Variants in OAT observed in about 807,000 individuals in gnomAD.
The protein encoded by OAT is ornithine aminotransferase, also known as ornithine aminotransferase, mitochondrial.
Under a neutral mutation model 48.4 loss-of-function variants are expected in OAT, and 35 were observed. That is an observed-to-expected ratio of 0.72 (90% CI 0.55 to 0.96). The LOEUF is 0.96. OAT is among the 40% of genes least tolerant of loss of function. The pLI is 0.00. For missense variants in OAT, 438 were observed against 537.9 expected (o/e 0.81, Z 1.84); for synonymous variants, 182 against 198.4 (o/e 0.92, Z 0.70).
intron 5 of OAT, 146 bp downstream of exon 5, chr10:124,405,290 C>G: frequency 1.7e-6 from 2 of 1,170,652 alleles, no homozygotes; most frequent in Non-Finnish European, 2.4e-6. Context: ...ACTAATTGAT[C>G]GCTACTGAGA....
intron 4 of OAT, chr10:124,407,270 C>G (rs1359351244): frequency 1.0e-6 from 1 of 985,408 alleles, no homozygotes; most frequent in Non-Finnish European, 1.2e-6. Flanking sequence ...ACCTCATCCT[C>G]AGTCACTTAC....
rs184276088 is a variant in OAT at position 124,403,614 on chromosome 10, G to T, written c.771+184C>A. ...CAGGAAAAAGTCTGCTTCTGTGCAG[G>T]TTTCTAAGCACTAGGAAGTACTTAA... On this transcript the variant is annotated intron_variant, in intron 6 of 9. Coordinates refer to ENST00000368845, the MANE Select transcript of OAT (RefSeq NM_000274.4). Among the ~76,000 whole-genome samples the T allele has an allele frequency of 3.3e-5, 5 of 152,312 alleles. No individual in the cohort carries two copies. In the East Asian group the frequency reaches 9.6e-4, roughly 29 times the overall value.
At chr10:124,399,727 A>G (rs1201634725) in intron 9 of OAT, among the ~76,000 whole-genome samples, 2 of 152,186 alleles carry the variant, frequency 1.3e-5, no homozygotes, top group African/African-American at 4.8e-5. Flanking sequence ...AAGAAAATCC[A>G]GCAAGGAACA....
chr10:124,399,634 C>A (rs904181330), intron 9 of OAT, among the ~76,000 whole-genome samples: 1 of 151,962 alleles, frequency 6.6e-6, no homozygotes, highest in Non-Finnish European at 1.5e-5. Flanking sequence ...CATAAGACAC[C>A]GCGCCCGGCC....
rs7904427 is a variant in OAT at position 124,417,610 on chromosome 10, G to A, written c.-30+1263C>T. On this transcript the variant is annotated intron_variant, in intron 1 of 9. Coordinates refer to ENST00000368845, the MANE Select transcript of OAT (RefSeq NM_000274.4). ...CTAAAAATAAGCTTTTTAATTTAAC[G>A]CTCGTTTTTATGAAAAGATTCATCT... Among the ~76,000 whole-genome samples, 1,065 of 152,090 alleles carry A rather than the reference G, an allele frequency of 7.0e-3. 16 individuals are homozygous for A. The highest frequency in any genetic ancestry group is 0.025 in the African/African-American group (1,019 of 41,480).
rs1261848383 is a variant in OAT, at chr10:124,410,608, T to C, written c.199+1365A>G. On this transcript the variant is annotated intron_variant, in intron 2 of 9. Coordinates refer to ENST00000368845, the MANE Select transcript of OAT (RefSeq NM_000274.4). ...ATCACTTGAGACCAGGAGTTCAAGA[T>C]CACCCTGGGCAACATAGCAAAATCT... is the stretch of plus-strand genomic sequence containing the variant. 5.9e-5 allele frequency among the ~76,000 whole-genome samples: 9 copies of C among 152,016 alleles called. No individual in the cohort carries two copies. The East Asian group carries it at 1.7e-3, about 29-fold the overall frequency.
At chr10:124,408,098 G>C (rs1189339937) in intron 4 of OAT, among the ~76,000 whole-genome samples, 5 of 151,806 alleles carry the variant, frequency 3.3e-5, no homozygotes, top group African/African-American at 1.2e-4. Flanking sequence ...GGAATATGGA[G>C]TTCAGAAAGA....
intron 4 of OAT, 86 bp from the exon 5 acceptor site, chr10:124,405,649 G>C: frequency 1.3e-6 from 2 of 1,579,724 alleles, no homozygotes; most frequent in Non-Finnish European, 1.7e-6. Context: ...CAAGAAGTTT[G>C]ACTCAAAAAA....
intron 5 of OAT, 142 bp downstream of exon 5, chr10:124,405,294 A>G (rs1951539772): frequency 3.3e-6 from 4 of 1,223,918 alleles, no homozygotes; most frequent in Non-Finnish European, 3.5e-6. Flanking sequence ...ATTGATCGCT[A>G]CTGAGAACAA....
intron 9 of OAT, 39 bp from the exon 10 acceptor site, chr10:124,398,141 A>G: frequency 6.2e-7 from 1 of 1,610,668 alleles, no homozygotes; most frequent in African/African-American, 1.3e-5. Flanking sequence ...TCAAAGATAA[A>G]CGTTTAAACA....
rs572842022 is a variant in OAT, at chr10:124,411,329, A to T, written c.199+644T>A. ...GGGAGAAGTATAAAAGGAAAATGTC[A>T]GTACTATTTGTTACAACTTTTCTTA... On this transcript the variant is annotated intron_variant, in intron 2 of 9. Coordinates refer to ENST00000368845, the MANE Select transcript of OAT (RefSeq NM_000274.4). Among the ~76,000 whole-genome samples the T allele has an allele frequency of 2.6e-5, 4 of 152,246 alleles. No individual in the cohort carries two copies. The South Asian group carries it at 8.3e-4, about 32-fold the overall frequency.
At chr10:124,417,874 G>T (rs1020322064) in intron 1 of OAT, among the ~76,000 whole-genome samples, 1 of 152,202 alleles carries the variant, frequency 6.6e-6, no homozygotes, top group African/African-American at 2.4e-5. Flanking sequence ...ATTTATCACC[G>T]TAATTTATCT....
intron 4 of OAT, among the ~76,000 whole-genome samples, chr10:124,408,195 C>T (rs1951636246): frequency 6.6e-6 from 1 of 150,878 alleles, no homozygotes; most frequent in South Asian, 2.1e-4. Flanking sequence ...GTATCATGTA[C>T]CAGGCAAAAC....
intron 4 of OAT, among the ~76,000 whole-genome samples, chr10:124,406,500 A>C: frequency 6.6e-6 from 1 of 151,062 alleles, no homozygotes; most frequent in South Asian, 2.1e-4. Flanking sequence ...AAAAATAAAA[A>C]TAATAATAAT....
intron 5 of OAT, among the ~76,000 whole-genome samples, chr10:124,404,415 A>C (rs981414050): frequency 2.0e-5 from 3 of 151,404 alleles, no homozygotes; most frequent in African/African-American, 7.3e-5. Context: ...TTACAGGCGC[A>C]CAGCACCACG....
Position 124,412,038 on chromosome 10 carries a change from T to C in OAT, c.134A>G (p.Glu45Gly). ...GTGTGCACCATACTTATATTCCCTT[T>C]CAAAAATGTCATCAGAGGTTGGAGG... Reference protein sequence around the residue: ...QGPPTSDDIFEREYKYGAHNY... With the variant: ...QGPPTSDDIFGREYKYGAHNY... Residue 45 changes from glutamate to glycine, a missense_variant, in exon 2 of 10, where the codon GAA (glutamate) becomes GGA (glycine). Glu to Gly is a moderately conservative substitution (Grantham distance 98). Coordinates refer to ENST00000368845, the MANE Select transcript of OAT (RefSeq NM_000274.4). The C allele has an allele frequency of 6.2e-7, 1 of 1,614,226 alleles. No homozygotes were observed. Among genetic ancestry groups the C allele is most frequent in the Non-Finnish European group, 8.5e-7 (1 of 1,180,034 alleles).
rs386833603 is a variant in OAT, at chr10:124,408,893, C to T, written c.272G>A (p.Gly91Glu). Residue 91 changes from glycine (G) to glutamate (E), a missense_variant, in exon 3 of 10, where the codon GGG becomes GAG. By Grantham distance (98) the Gly-to-Glu change is moderately conservative. Transcript: ENST00000368845. Reference sequence around the variant, plus strand: ...ATTCACAATCTTGGGGTGACAATGCCCTTGGTTGACAGCACTGTAAGAACT... The same window carrying T: ...ATTCACAATCTTGGGGTGACAATGCTCTTGGTTGACAGCACTGTAAGAACT... The part of the protein sequence containing the change: ...FLSSYSAVNQ[G>E]HCHPKIVNAL... The T allele has an allele frequency of 6.2e-6, 10 of 1,613,842 alleles. No individual in the cohort carries two copies. In the South Asian group the frequency reaches 9.9e-5, roughly 16 times the overall value.
At chr10:124,400,814 C>A (rs375670597) in intron 9 of OAT, 26 bp downstream of exon 9, 1 of 1,532,332 alleles carries the variant, frequency 6.5e-7, no homozygotes, top group Non-Finnish European at 9.0e-7. Context: ...AAAAAATTAT[C>A]TTGAGTAAAT....
chr10:124,398,172 CA>C (rs1951291610), intron 9 of OAT, 70 bp from the exon 10 acceptor site: 1 of 1,536,244 alleles, frequency 6.5e-7, no homozygotes, highest in Non-Finnish European at 9.0e-7. Flanking sequence ...TATGTATGGG[CA>C]AAGTGCAGCC....
Sources: gnomAD v4.1 joint callset for allele counts (sites outside exome capture counted in the v4.1 genomes callset) on GRCh38, gnomAD v4.1.1 for gene constraint, MANE v1.5 for transcripts, NCBI Gene and HGNC (gene_info 2026-07-23, HGNC 2026-07-21) for gene names.